The following PDS5A variants were observed in gnomAD, a reference collection of about 807,000 sequenced individuals.
The protein encoded by PDS5A is sister chromatid cohesion protein PDS5 homolog A.
A neutral mutation model predicts 167.1 loss-of-function variants in PDS5A; 42 were observed. The observed-to-expected ratio is 0.25, with a 90% CI of 0.20 to 0.33. The LOEUF is 0.33. Ranked by LOEUF, PDS5A falls within the 10% of genes least tolerant of loss-of-function variation. The probability of loss-of-function intolerance (pLI) is 1.00; values close to 1 mark genes in which losing one functional copy is unlikely to be tolerated. For missense variants in PDS5A, 1,033 were observed against 1,605.9 expected (o/e 0.64, Z 6.10); for synonymous variants, 553 against 554.6 (o/e 1.00, Z 0.04).
chr4:39,963,412 T>C (rs540685527), intron 2 of PDS5A, among the ~76,000 whole-genome samples: 3 of 151,876 alleles, frequency 2.0e-5, no homozygotes, highest in South Asian at 2.1e-4. Context: ...TAAGCCGAGA[T>C]TGCACCACTG....
chr4:39,943,670 G>A (rs151056101), intron 2 of PDS5A, among the ~76,000 whole-genome samples: 207 of 151,664 alleles, frequency 1.4e-3, no homozygotes, highest in Non-Finnish European at 2.1e-3. Flanking sequence ...AGCCAGATGT[G>A]GTGGTGCGCA....
At chr4:39,895,023 C>T (rs1031549555) in intron 16 of PDS5A, among the ~76,000 whole-genome samples, 2 of 151,858 alleles carry the variant, frequency 1.3e-5, no homozygotes, top group South Asian at 2.1e-4. Flanking sequence ...GTCAGGAGAT[C>T]GAGATCATCC....
intron 8 of PDS5A, among the ~76,000 whole-genome samples, chr4:39,915,343 A>ATTTT (rs3070904): frequency 1.2e-4 from 11 of 88,720 alleles, no homozygotes; most frequent in Admixed American, 4.1e-4. Flanking sequence ...AACCGGCCTG[A>ATTTT]TTTTTTTTTT....
chr4:39,875,678 A>C (rs1032447907), intron 19 of PDS5A, among the ~76,000 whole-genome samples: 14 of 152,126 alleles, frequency 9.2e-5, no homozygotes, highest in African/African-American at 3.1e-4. Context: ...TGGAATTATG[A>C]GATAGGGATG....
chr4:39,825,386 C>T lies in PDS5A; in HGVS notation c.*99G>A. ...CAGAGAGTGTGTGTTCTGAAGTGAG[C>T]TTCATTTTCTGTTCAGGGACATTTG... is the stretch of plus-strand genomic sequence containing the variant. On this transcript the variant is annotated 3_prime_UTR_variant, in exon 33 of 33. Transcript: ENST00000303538. The T allele has an allele frequency of 1.0e-6, 1 of 958,162 alleles. No individual in the cohort carries two copies. Among genetic ancestry groups the T allele is most frequent in the Non-Finnish European group, 1.6e-6 (1 of 626,068 alleles). The allele number at this position is 958,162 out of a possible 1,614,324, so 59.4% of individuals were successfully genotyped here. A position where few individuals can be genotyped will look rare whatever the true frequency, so the allele number is the denominator to read the frequency against.
chr4:39,872,580 GGCCAAGGTTGCAGTGA>G (rs1173111338), intron 21 of PDS5A, among the ~76,000 whole-genome samples: 1 of 152,100 alleles, frequency 6.6e-6, no homozygotes. Context: ...AATGAGAGGA[GGCCAAGGTTGCAGTGA>G]GCCGAGATCG....
intron 2 of PDS5A, among the ~76,000 whole-genome samples, chr4:39,947,919 G>C (rs1158992743): frequency 6.6e-6 from 1 of 152,128 alleles, no homozygotes; most frequent in East Asian, 1.9e-4. Flanking sequence ...TTTTGGTGAG[G>C]ACAAACCTTA....
intron 32 of PDS5A, among the ~76,000 whole-genome samples, chr4:39,831,914 G>A (rs1490064527): frequency 7.9e-6 from 1 of 127,318 alleles, no homozygotes; most frequent in East Asian, 2.2e-4. Context: ...AGAATATTAG[G>A]GGTCTGGCTG....
chr4:39,940,382 C>G (rs1727110710), intron 2 of PDS5A, among the ~76,000 whole-genome samples: 1 of 152,060 alleles, frequency 6.6e-6, no homozygotes, highest in Non-Finnish European at 1.5e-5. Context: ...TCTGGGGGTG[C>G]TGATGATATT....
intron 2 of PDS5A, among the ~76,000 whole-genome samples, chr4:39,931,243 C>T (rs1726031234): frequency 1.3e-5 from 2 of 152,078 alleles, no homozygotes; most frequent in African/African-American, 4.8e-5. Flanking sequence ...CACACGCCAC[C>T]ACACCTGGCT....
chr4:39,900,053 GA>G (rs1487615561), intron 14 of PDS5A, among the ~76,000 whole-genome samples: 1 of 151,726 alleles, frequency 6.6e-6, no homozygotes. Context: ...ATATTTATAG[GA>G]TTGATATCTG....
chr4:39,939,123 G>A (rs1221403799), intron 2 of PDS5A, among the ~76,000 whole-genome samples: 2 of 151,988 alleles, frequency 1.3e-5, no homozygotes, highest in Non-Finnish European at 2.9e-5. Context: ...CAGCTACTTG[G>A]GAGGCTGAGG....
intron 2 of PDS5A, among the ~76,000 whole-genome samples, chr4:39,955,399 C>T (rs185576893): frequency 4.9e-4 from 74 of 152,038 alleles, no homozygotes; most frequent in African/African-American, 1.7e-3. Context: ...ATCAGGAGTT[C>T]GAGACCAGCC....
intron 2 of PDS5A, among the ~76,000 whole-genome samples, chr4:39,949,095 T>A (rs1227786040): frequency 6.6e-6 from 1 of 151,412 alleles, no homozygotes; most frequent in Non-Finnish European, 1.5e-5. Flanking sequence ...CACAGGATTT[T>A]GAGACTGGGC....
chr4:39,834,205 A>G (rs1716181730), intron 32 of PDS5A, among the ~76,000 whole-genome samples: 1 of 150,336 alleles, frequency 6.7e-6, no homozygotes, highest in South Asian at 2.1e-4. Flanking sequence ...AAAAAAGGGT[A>G]CTAAGAGGTC....
intron 17 of PDS5A, among the ~76,000 whole-genome samples, chr4:39,884,284 G>A (rs1721220607): frequency 6.6e-6 from 1 of 152,160 alleles, no homozygotes; most frequent in Non-Finnish European, 1.5e-5. Context: ...CACTGGTGCT[G>A]TCAATTTATC....
chr4:39,861,098 T>A (rs1241941118), intron 26 of PDS5A, among the ~76,000 whole-genome samples: 3 of 149,712 alleles, frequency 2.0e-5, no homozygotes, highest in Admixed American at 6.7e-5. Context: ...AAAATGAAGA[T>A]CTTATACAGG....
chr4:39,898,836 A>G lies in PDS5A; in HGVS notation c.1582-11T>C. ...ACAGTTAGCCTCTGACTGAAATTTA[A>G]AACAGAAACAAAAGAACAACTAGTC... On this transcript the variant is annotated splice_polypyrimidine_tract_variant and intron_variant, in intron 14 of 32. Coordinates refer to ENST00000303538, the MANE Select transcript of PDS5A (RefSeq NM_001100399.2). 6.4e-7 allele frequency: 1 copy of G among 1,572,736 alleles called. No homozygotes were observed. The highest frequency in any genetic ancestry group is 8.7e-7 in the Non-Finnish European group (1 of 1,152,444).
intron 27 of PDS5A, 89 bp downstream of exon 27, chr4:39,849,428 TACG>T: frequency 2.6e-6 from 2 of 771,268 alleles, no homozygotes; most frequent in Non-Finnish European, 4.1e-6. Context: ...TTTAAATTAC[TACG>T]TATGGCCAAA....
Sources: allele counts gnomAD v4.1 joint callset (sites outside exome capture counted in the v4.1 genomes callset), GRCh38; gene constraint gnomAD v4.1.1; transcripts MANE v1.5; gene names NCBI Gene and HGNC (gene_info 2026-07-23, HGNC 2026-07-21).